Variants in SCN9A observed in about 807,000 individuals in gnomAD.
The protein encoded by SCN9A is sodium channel protein type 9 subunit alpha.
SCN9A carries 131 observed loss-of-function variants against 187.0 expected under a neutral mutation model. That is an observed-to-expected ratio of 0.70 (90% CI 0.61 to 0.81). The LOEUF (loss-of-function observed/expected upper bound fraction) is 0.81. Among genes scored for constraint, SCN9A ranks in the 30% least tolerant of loss-of-function variants. The pLI, the probability that SCN9A is intolerant of heterozygous loss-of-function variation, is 0.00. For synonymous variants in SCN9A, 809 were observed against 808.6 expected (o/e 1.00, Z -0.01); for missense variants, 2,252 against 2,396.6 (o/e 0.94, Z 1.26).
At chr2:166,226,433 C>A in intron 24 of SCN9A, 134 bp downstream of exon 24, 1 of 648,282 alleles carries the variant, frequency 1.5e-6, no homozygotes, top group Non-Finnish European at 2.5e-6. Context: ...GTATACTAGT[C>A]AATTATTTGA....
intron 19 of SCN9A, among the ~76,000 whole-genome samples, chr2:166,241,199 T>C (rs1288014666): frequency 6.6e-6 from 1 of 152,176 alleles, no homozygotes; most frequent in Non-Finnish European, 1.5e-5. Flanking sequence ...TTCTTGAGTA[T>C]TCTATTTTTA....
At chr2:166,244,658 G>A (rs983956979) in intron 18 of SCN9A, among the ~76,000 whole-genome samples, 3 of 151,974 alleles carry the variant, frequency 2.0e-5, no homozygotes, top group Non-Finnish European at 2.9e-5. Flanking sequence ...GTAGTAATAT[G>A]CTATACTATT....
intron 1 of SCN9A, among the ~76,000 whole-genome samples, chr2:166,355,213 C>G (rs563351273): frequency 6.6e-6 from 1 of 152,014 alleles, no homozygotes; most frequent in African/African-American, 2.4e-5. Flanking sequence ...ACTGGGATAA[C>G]AGGCATGAGC....
chr2:166,255,338 T>C (rs572791135), intron 17 of SCN9A, among the ~76,000 whole-genome samples: 1 of 151,718 alleles, frequency 6.6e-6, no homozygotes, highest in African/African-American at 2.4e-5. Flanking sequence ...TCTACTATAC[T>C]GCTTGAGTAG....
intron 1 of SCN9A, among the ~76,000 whole-genome samples, chr2:166,373,380 G>T (rs1316498879): frequency 6.8e-6 from 1 of 147,472 alleles, no homozygotes; most frequent in East Asian, 2.0e-4. Context: ...GTATTGCTTT[G>T]TATAGAGAAT....
chr2:166,309,794 T>A (rs1009033455), intron 2 of SCN9A, among the ~76,000 whole-genome samples: 3 of 147,570 alleles, frequency 2.0e-5, no homozygotes, highest in Non-Finnish European at 4.5e-5. Context: ...CATCGCCAAG[T>A]CAATCCTAAG....
intron 1 of SCN9A, among the ~76,000 whole-genome samples, chr2:166,331,004 T>C (rs769402083): frequency 6.6e-6 from 1 of 151,852 alleles, no homozygotes; most frequent in African/African-American, 2.4e-5. Flanking sequence ...TGAGAAAAAA[T>C]GCAAAAATAC....
At chr2:166,240,623 A>G (rs1395360830) in intron 19 of SCN9A, among the ~76,000 whole-genome samples, 2 of 152,180 alleles carry the variant, frequency 1.3e-5, no homozygotes, top group Non-Finnish European at 2.9e-5. Context: ...GGTAGACACT[A>G]TCATGATTTC....
At chr2:166,319,349 C>CA (rs397868358) in intron 1 of SCN9A, among the ~76,000 whole-genome samples, 50,957 of 134,650 alleles carry the variant, frequency 0.38, 9,538 homozygotes, top group Non-Finnish European at 0.46. Context: ...TAAGGTAGAG[C>CA]AAAAAAAAAA....
rs202149808 is a variant in SCN9A, at chr2:166,195,575, T to C, written c.*3097A>G. ...GAACTGCTTTATTTACATATGCATT[T>C]TATTTTCACTCTTTTTAATAAAGCT... On this transcript the variant is annotated 3_prime_UTR_variant, in exon 27 of 27. Transcript: ENST00000642356. 2 of 152,204 alleles carry C rather than the reference T, an allele frequency of 1.3e-5. No individual in the cohort carries two copies. The highest frequency in any genetic ancestry group is 2.9e-5 in the Non-Finnish European group (2 of 68,036). 9.4% of individuals were successfully genotyped at this position (152,204 alleles called of 1,614,324 possible).
rs1315605952 is a variant in SCN9A, at chr2:166,303,219, C to T, written c.772G>A (p.Val258Met). 4 of 1,613,602 alleles carry T rather than the reference C, an allele frequency of 2.5e-6. No homozygotes were observed. The highest frequency in any genetic ancestry group is 3.3e-5 in the Admixed American group (2 of 59,972). The change falls in exon 7 of 27, where the codon GTG (valine) becomes ATG (methionine). Residue 258 changes from valine (V) to methionine (M), a missense_variant. Coordinates refer to ENST00000642356, the MANE Select transcript of SCN9A (RefSeq NM_001365536.1). ...AGCTGTAGTCCAATTAGTGCAAACA[C>T]ACTCAGACAGAACACAGTCAGGATC... ...VMILTVFCLS[V>M]FALIGLQLFM...
Position 166,278,261 on chromosome 2 carries a change from T to A in SCN9A, c.2396A>T (p.Asp799Val). Residue 799 changes from aspartate (D) to valine (V), a missense_variant, in exon 15 of 27, where the codon GAT becomes GTT. Transcript: ENST00000642356. Reference sequence around the variant, plus strand: ...GCCTACTTGGAAATACTCATATGGATCCATGGCAATCAGTTTTAATACCAT... The same window carrying A: ...GCCTACTTGGAAATACTCATATGGAACCATGGCAATCAGTTTTAATACCAT... The part of the protein sequence containing the change: ...AEMVLKLIAM[D>V]PYEYFQVGWN... The A allele has an allele frequency of 6.2e-7, 1 of 1,611,916 alleles. No individual in the cohort carries two copies. Among genetic ancestry groups the A allele is most frequent in the Non-Finnish European group, 8.5e-7 (1 of 1,179,132 alleles).
chr2:166,222,989 T>TAAAAA (rs1694689024), intron 24 of SCN9A, among the ~76,000 whole-genome samples: 1 of 50,332 alleles, frequency 2.0e-5, no homozygotes, highest in Non-Finnish European at 4.5e-5. Flanking sequence ...CAAAAAACCG[T>TAAAAA]AAAGAGATAT....
chr2:166,322,995 G>A (rs1250554375), intron 1 of SCN9A, among the ~76,000 whole-genome samples: 2 of 152,134 alleles, frequency 1.3e-5, no homozygotes, highest in African/African-American at 4.8e-5. Context: ...AAAGGATTGG[G>A]TCACTGCAGA....
chr2:166,314,400 A>G (rs1376726481), intron 1 of SCN9A, among the ~76,000 whole-genome samples: 1 of 152,212 alleles, frequency 6.6e-6, no homozygotes, highest in African/African-American at 2.4e-5. Context: ...TACACATTCA[A>G]AAGTAGGATG....
chr2:166,289,331 C>G (rs1030967857), intron 9 of SCN9A, among the ~76,000 whole-genome samples: 3 of 151,716 alleles, frequency 2.0e-5, no homozygotes, highest in African/African-American at 7.3e-5. Context: ...TGCTATTCCT[C>G]CCTTTGCCCC....
chr2:166,283,490 A>T (rs1221760656), intron 12 of SCN9A, among the ~76,000 whole-genome samples: 1 of 152,202 alleles, frequency 6.6e-6, no homozygotes, highest in Non-Finnish European at 1.5e-5. Flanking sequence ...GTAATGCAGC[A>T]TAGCATAGTG....
chr2:166,275,693 G>T (rs912686926), intron 16 of SCN9A, among the ~76,000 whole-genome samples: 2 of 152,072 alleles, frequency 1.3e-5, no homozygotes, highest in African/African-American at 2.4e-5. Flanking sequence ...GAAGGAATTT[G>T]TAAGGCTATA....
At chr2:166,329,566 TG>T (rs542456172) in intron 1 of SCN9A, among the ~76,000 whole-genome samples, 70 of 147,180 alleles carry the variant, frequency 4.8e-4, no homozygotes, top group East Asian at 3.0e-3. Context: ...TTGTTATTGT[TG>T]GGGGGGGGTT....
Sources: allele counts gnomAD v4.1 joint callset (sites outside exome capture counted in the v4.1 genomes callset), GRCh38; gene constraint gnomAD v4.1.1; transcripts MANE v1.5; gene names NCBI Gene and HGNC (gene_info 2026-07-23, HGNC 2026-07-21).